TACO1: variants seen among roughly 807,000 people sequenced by gnomAD.
TACO1 encodes the protein translational activator of cytochrome c oxidase I.
TACO1 carries 13 observed loss-of-function variants against 24.0 expected under a neutral mutation model. The ratio of observed to expected loss-of-function variants is 0.54; its 90% CI spans 0.35 to 0.86. The LOEUF (loss-of-function observed/expected upper bound fraction) is 0.86. Ranked by LOEUF, TACO1 falls within the 40% of genes least tolerant of loss-of-function variation. The pLI is 0.01. For missense variants in TACO1, 352 were observed against 380.1 expected, an observed-to-expected ratio of 0.93 and a Z score of 0.61; for synonymous variants, 149 against 153.5, an observed-to-expected ratio of 0.97 and a Z score of 0.22.
At chr17:63,605,515 G>A (rs73333832) in intron 2 of TACO1, among the ~76,000 whole-genome samples, 4,849 of 152,272 alleles carry the variant, frequency 0.032, 252 homozygotes, top group African/African-American at 0.11. Flanking sequence ...ACCACCGTAA[G>A]TAGAAACTGA....
chr17:63,605,435 T>C (rs1473909056), intron 2 of TACO1, among the ~76,000 whole-genome samples: 2 of 152,116 alleles, frequency 1.3e-5, no homozygotes, highest in African/African-American at 2.4e-5. Flanking sequence ...TAGCTCAAAA[T>C]TATTGAGTGC....
intron 1 of TACO1, among the ~76,000 whole-genome samples, chr17:63,602,217 C>CTACTG (rs1455641957): frequency 1.4e-5 from 2 of 145,046 alleles, no homozygotes; most frequent in East Asian, 4.1e-4. Context: ...CGAGATTGCT[C>CTACTG]TACTGTACTC....
chr17:63,605,691 G>A (rs1216151698), intron 2 of TACO1, among the ~76,000 whole-genome samples: 2 of 152,188 alleles, frequency 1.3e-5, no homozygotes, highest in African/African-American at 2.4e-5. Flanking sequence ...TCCCCACCTA[G>A]TGGCCCTTTT....
chr17:63,607,607 A>C, intron 4 of TACO1, 143 bp downstream of exon 4: 1 of 989,700 alleles, frequency 1.0e-6, no homozygotes, highest in East Asian at 2.5e-5. Flanking sequence ...TATTAAGTGA[A>C]TACTGAATAG....
At chr17:63,607,748 G>A in intron 4 of TACO1, 54 bp from the exon 5 acceptor site, 1 of 1,539,632 alleles carries the variant, frequency 6.5e-7, no homozygotes, top group Non-Finnish European at 9.0e-7. Context: ...GTCCTGTGTG[G>A]CTTTGTCTCA....
At position 63,607,411 on chromosome 17, in the gene TACO1, G is replaced by A; in HGVS notation, c.640G>A (p.Gly214Arg). ...TGCCCTGGAGATGGCAATCGAAGCAGGAGCTGAGGATGTCAAGGAAACTGA... is the reference window on the plus strand; with the variant it reads ...TGCCCTGGAGATGGCAATCGAAGCAAGAGCTGAGGATGTCAAGGAAACTGA... The part of the protein sequence containing the change: ...ERALEMAIEA[G>R]AEDVKETEDE... Residue 214 changes from glycine (G) to arginine (R), a missense_variant, in exon 4 of 5, where the codon GGA becomes AGA. Gly to Arg is a moderately radical substitution (Grantham distance 125). Coordinates refer to ENST00000258975, the MANE Select transcript of TACO1 (RefSeq NM_016360.4). 6.2e-7 allele frequency: 1 copy of A among 1,614,214 alleles called. No homozygotes were observed. The highest frequency in any genetic ancestry group is 8.5e-7 in the Non-Finnish European group (1 of 1,180,036).
intron 1 of TACO1, among the ~76,000 whole-genome samples, chr17:63,602,802 T>C (rs1159457897): frequency 1.3e-5 from 2 of 152,234 alleles, no homozygotes; most frequent in South Asian, 2.1e-4. Context: ...AGTGCTGGGA[T>C]TGCAGGTATC....
intron 3 of TACO1, chr17:63,606,987 T>C: frequency 2.1e-6 from 1 of 478,434 alleles, no homozygotes; most frequent in South Asian, 2.1e-5. Context: ...TCTGTAGCCA[T>C]ATAATGCCTA....
In TACO1 at chr17:63,607,816, C is replaced by T; in HGVS notation, c.708C>T (p.Ala236=). ...TTTATCCCTAGTTTATTTGTGATGC[C>T]TCTTCACTGCACCAAGTGAGGAAGA... ...ERNVFKFICD[A]SSLHQVRKKL... Residue 236 remains alanine (A), a synonymous_variant, in exon 5 of 5, where the codon GCC becomes GCT. Transcript: ENST00000258975. The T allele has an allele frequency of 1.2e-6, 2 of 1,614,068 alleles. No individual in the cohort carries two copies. Among genetic ancestry groups the T allele is most frequent in the African/African-American group, 2.7e-5 (2 of 75,024 alleles).
chr17:63,607,284 CAG>C lies in TACO1; in HGVS notation c.516_517del, dbSNP rs748403717. 5.0e-6 allele frequency: 8 copies of C among 1,613,350 alleles called. No individual in the cohort carries two copies. Among genetic ancestry groups the C allele is most frequent in the Non-Finnish European group, 6.8e-6 (8 of 1,179,896 alleles). ...CATGCCAGCCTGTTTCCTTCCCTGT[CAG>C]AGGAGTGATGGCTGTAGGAGCTCGT... On this transcript the variant is annotated splice_acceptor_variant, in intron 3 of 4. Transcript: ENST00000258975. LOFTEE classifies it high-confidence loss of function.
chr17:63,607,714 T>C (rs564314162), intron 4 of TACO1, 88 bp from the exon 5 acceptor site: 2 of 1,260,452 alleles, frequency 1.6e-6, no homozygotes, highest in Non-Finnish European at 2.3e-6. Context: ...TCCATTCCAG[T>C]ACTGACATTC....
intron 1 of TACO1, among the ~76,000 whole-genome samples, chr17:63,601,989 A>T (rs185474549): frequency 5.8e-4 from 88 of 151,754 alleles, no homozygotes; most frequent in African/African-American, 2.1e-3. Context: ...GCGCAGTGGC[A>T]CAGCCTGTAA....
rs372315876 is a variant in TACO1 at position 63,606,447 on chromosome 17, G to A, written c.515+7G>A. 2 of 1,614,026 alleles carry A rather than the reference G, an allele frequency of 1.2e-6. No homozygotes were observed. Among genetic ancestry groups the A allele is most frequent in the Non-Finnish European group, 1.7e-6 (2 of 1,179,966 alleles). ...ATATCCTGAATAAGAATGGGTAAGTGTGCGTCTGGGAGGAGTGGTAGGGGA... is the reference window on the plus strand; with the variant it reads ...ATATCCTGAATAAGAATGGGTAAGTATGCGTCTGGGAGGAGTGGTAGGGGA... On this transcript the variant is annotated splice_region_variant and intron_variant, in intron 3 of 4. Coordinates refer to ENST00000258975, the MANE Select transcript of TACO1 (RefSeq NM_016360.4).
chr17:63,607,673 T>A (rs1393548834), intron 4 of TACO1, 129 bp from the exon 5 acceptor site: 4 of 1,012,370 alleles, frequency 4.0e-6, no homozygotes, highest in Non-Finnish European at 6.1e-6. Context: ...GAAAACGATG[T>A]CCCTGCCAGT....
Position 63,608,093 on chromosome 17 carries a change from C to T in TACO1, c.*91C>T, listed in dbSNP as rs1443443266. ...CTGCAGCAATCTCTGAGGGTAAAGC[C>T]GGTGGGAGGCTCAGCAGGCCAGGAG... On this transcript the variant is annotated 3_prime_UTR_variant, in exon 5 of 5. Transcript: ENST00000258975. The T allele has an allele frequency of 2.9e-5, 42 of 1,442,518 alleles. No homozygotes were observed. Among genetic ancestry groups the T allele is most frequent in the Non-Finnish European group, 3.9e-5 (41 of 1,043,264 alleles). 89.4% of individuals were successfully genotyped at this position (1,442,518 alleles called of 1,614,324 possible).
Position 63,607,135 on chromosome 17 carries a change from G to T in TACO1, c.516-152G>T, listed in dbSNP as rs2033868448. ...TGGGCTGTTCCCTTACCCAGCAGCAGCTGCATTTTCTCCTTGAGGATGCGA... is the reference window on the plus strand; with the variant it reads ...TGGGCTGTTCCCTTACCCAGCAGCATCTGCATTTTCTCCTTGAGGATGCGA... On this transcript the variant is annotated intron_variant, in intron 3 of 4. Coordinates refer to ENST00000258975, the MANE Select transcript of TACO1 (RefSeq NM_016360.4). 13 of 757,004 alleles carry T rather than the reference G, an allele frequency of 1.7e-5. No homozygotes were observed. The East Asian group carries it at 3.5e-4, about 20-fold the overall frequency. 46.9% of individuals were successfully genotyped at this position (757,004 alleles called of 1,614,324 possible). A position where few individuals can be genotyped will look rare whatever the true frequency, so the allele number is the denominator to read the frequency against.
rs1598046326 is a variant in TACO1 at position 63,608,153 on chromosome 17, G to C, written c.*151G>C. On this transcript the variant is annotated 3_prime_UTR_variant, in exon 5 of 5. Coordinates refer to ENST00000258975, the MANE Select transcript of TACO1 (RefSeq NM_016360.4). ...CAGGACTTGCGACCTTGAAGCCAAA[G>C]GAATCTCACTTGTGGGGCCTCCTTG... 2.4e-6 allele frequency: 2 copies of C among 822,954 alleles called. No homozygotes were observed. Among genetic ancestry groups the C allele is most frequent in the East Asian group, 5.3e-5 (2 of 37,598 alleles). The allele number at this position is 822,954 out of a possible 1,614,324, so 51.0% of individuals were successfully genotyped here. A position where few individuals can be genotyped will look rare whatever the true frequency, so the allele number is the denominator to read the frequency against.
chr17:63,605,544 G>C (rs1162952265), intron 2 of TACO1, among the ~76,000 whole-genome samples: 1 of 152,226 alleles, frequency 6.6e-6, no homozygotes, highest in Non-Finnish European at 1.5e-5. Flanking sequence ...AATGTTAGGT[G>C]AGTTGACTCA....
At chr17:63,604,169 C>T (rs932994857) in intron 1 of TACO1, among the ~76,000 whole-genome samples, 1 of 151,810 alleles carries the variant, frequency 6.6e-6, no homozygotes, top group Non-Finnish European at 1.5e-5. Flanking sequence ...GAAACCTGGT[C>T]TCTACTAAAA....
Sources: allele counts gnomAD v4.1 joint callset (sites outside exome capture counted in the v4.1 genomes callset), GRCh38; gene constraint gnomAD v4.1.1; transcripts MANE v1.5; gene names NCBI Gene and HGNC (gene_info 2026-07-23, HGNC 2026-07-21).